The following ADGRB3 variants were observed in gnomAD, a reference collection of about 807,000 sequenced individuals.
ADGRB3 encodes the protein brain-specific angiogenesis inhibitor 3.
A neutral mutation model predicts 193.4 loss-of-function variants in ADGRB3; 37 were observed. The observed-to-expected ratio is 0.19, with a 90% CI of 0.15 to 0.25. ADGRB3 has a LOEUF of 0.25. Among genes scored for constraint, ADGRB3 ranks in the 10% least tolerant of loss-of-function variants. ADGRB3 has a pLI of 1.00. For missense variants in ADGRB3, 1,637 were observed against 1,852.9 expected (o/e 0.88, Z 2.14); for synonymous variants, 690 against 644.2 (o/e 1.07, Z -1.08).
chr6:69,230,041 A>C (rs921723436), intron 17 of ADGRB3, among the ~76,000 whole-genome samples: 2 of 152,200 alleles, frequency 1.3e-5, no homozygotes, highest in African/African-American at 4.8e-5. Context: ...AACATGGGTG[A>C]ATGTAGGTGT....
At chr6:68,722,730 G>A (rs1251719903) in intron 3 of ADGRB3, among the ~76,000 whole-genome samples, 11 of 150,776 alleles carry the variant, frequency 7.3e-5, no homozygotes, top group Non-Finnish European at 5.9e-5. Flanking sequence ...TGTGATTACA[G>A]ACTGTCCCGT....
intron 3 of ADGRB3, among the ~76,000 whole-genome samples, chr6:68,717,467 G>C (rs902880435): frequency 2.6e-5 from 4 of 151,652 alleles, no homozygotes; most frequent in Non-Finnish European, 5.9e-5. Context: ...TTATTTTATA[G>C]AAAGTCTTCC....
In ADGRB3 at chr6:69,258,792, A is replaced by G. The variant is rs1189053058; in HGVS notation, c.2814+19566A>G. Among the ~76,000 whole-genome samples the G allele has an allele frequency of 3.2e-4, 49 of 152,218 alleles. 2 individuals carry two copies. The highest frequency in any genetic ancestry group is 3.2e-3 in the Admixed American group (49 of 15,278). On this transcript the variant is annotated intron_variant, in intron 20 of 31. Transcript: ENST00000370598. ...GAAAAACCATCTGGAGAGTTTTTTA[A>G]TTCACCTTCCCCACACCCTCTCCAA...
intron 3 of ADGRB3, among the ~76,000 whole-genome samples, chr6:68,769,744 A>C (rs1390241397): frequency 6.6e-6 from 1 of 152,136 alleles, no homozygotes; most frequent in Non-Finnish European, 1.5e-5. Flanking sequence ...TTTAAGTTAA[A>C]AGTTTTAATC....
intron 3 of ADGRB3, among the ~76,000 whole-genome samples, chr6:68,803,513 A>G (rs1767349719): frequency 6.6e-6 from 1 of 152,142 alleles, no homozygotes; most frequent in African/African-American, 2.4e-5. Flanking sequence ...ACAAAGAAGT[A>G]TCACCTTACA....
intron 11 of ADGRB3, among the ~76,000 whole-genome samples, chr6:69,010,515 C>T (rs1411063862): frequency 1.3e-5 from 2 of 152,036 alleles, no homozygotes; most frequent in Non-Finnish European, 2.9e-5. Flanking sequence ...ATATCAAGCA[C>T]TTGCCATGCA....
chr6:69,284,352 A>G (rs546150209), intron 20 of ADGRB3, among the ~76,000 whole-genome samples: 3 of 152,208 alleles, frequency 2.0e-5, no homozygotes, highest in African/African-American at 7.2e-5. Context: ...CCATCAGACA[A>G]TGAAAATAAT....
At chr6:68,804,561 T>A (rs1767369281) in intron 3 of ADGRB3, among the ~76,000 whole-genome samples, 1 of 152,198 alleles carries the variant, frequency 6.6e-6, no homozygotes, top group South Asian at 2.1e-4. Flanking sequence ...AAGTAATCAC[T>A]AATTATTAAT....
chr6:69,339,481 G>T lies in ADGRB3; in HGVS notation c.3436G>T (p.Val1146Phe). ...DSLQGFVIVM[V>F]HCILRREVQD... is the part of the protein sequence containing the mutation. ...ATTGCAAGGCTTTGTTATAGTCATG[G>T]TCCACTGCATTCTTCGGAGAGAGGT... is the stretch of plus-strand genomic sequence containing the variant. The change falls in exon 26 of 32, where the codon GTC becomes TTC. Residue 1146 changes from valine (V) to phenylalanine (F), a missense_variant. Around this residue, in one of 7 missense-constraint regions of ADGRB3, gnomAD observed 116 missense variants for 168.1 expected, o/e 0.69. Transcript: ENST00000370598. 6.2e-7 allele frequency: 1 copy of T among 1,613,798 alleles called. No homozygotes were observed. Among genetic ancestry groups the T allele is most frequent in the Non-Finnish European group, 8.5e-7 (1 of 1,179,730 alleles).
chr6:68,916,603 C>T (rs970333826), intron 3 of ADGRB3, among the ~76,000 whole-genome samples: 1 of 152,090 alleles, frequency 6.6e-6, no homozygotes, highest in Non-Finnish European at 1.5e-5. Context: ...AAAATTTGGT[C>T]TTACGAAATC....
At chr6:69,325,260 G>A (rs556876432) in intron 21 of ADGRB3, among the ~76,000 whole-genome samples, 8 of 152,074 alleles carry the variant, frequency 5.3e-5, no homozygotes, top group African/African-American at 1.9e-4. Context: ...TAGATAGTAT[G>A]AAATGAGACC....
intron 3 of ADGRB3, among the ~76,000 whole-genome samples, chr6:68,894,981 A>C (rs1426945580): frequency 6.6e-6 from 1 of 151,990 alleles, no homozygotes; most frequent in Non-Finnish European, 1.5e-5. Flanking sequence ...AGTTGAAAAA[A>C]AAAGTCTGCT....
intron 3 of ADGRB3, among the ~76,000 whole-genome samples, chr6:68,844,475 C>G (rs1247102944): frequency 1.3e-5 from 2 of 152,120 alleles, no homozygotes; most frequent in African/African-American, 4.8e-5. Context: ...TGGCTTTTAT[C>G]TAAAAGACAG....
At position 68,772,893 on chromosome 6, in the gene ADGRB3, AAATATATATATATATATAT is replaced by A. The variant is rs1166125726; in HGVS notation, c.757+133463_757+133481del. ...AACAAACAAACAAACAAAAAAAAAA[AAATATATATATATATATAT>A]ATATATATATATATATATATACATA... On this transcript the variant is annotated intron_variant, in intron 3 of 31. Transcript: ENST00000370598. 1.1e-3 allele frequency among the ~76,000 whole-genome samples: 24 copies of A among 22,686 alleles called. 4 individuals carry two copies. The highest frequency in any genetic ancestry group is 0.022 in the Middle Eastern group (1 of 46). The allele number at this position is 22,686 out of a possible 152,430, so 14.9% of individuals were successfully genotyped here. A position where few individuals can be genotyped will look rare whatever the true frequency, so the allele number is the denominator to read the frequency against.
At chr6:69,173,052 T>C (rs1034537038) in intron 17 of ADGRB3, among the ~76,000 whole-genome samples, 1 of 149,850 alleles carries the variant, frequency 6.7e-6, no homozygotes, top group Non-Finnish European at 1.5e-5. Context: ...TTTGTTTTTG[T>C]TTTGAGACGA....
intron 31 of ADGRB3, among the ~76,000 whole-genome samples, chr6:69,384,771 A>T (rs1406370733): frequency 6.6e-6 from 1 of 151,940 alleles, no homozygotes; most frequent in Non-Finnish European, 1.5e-5. Flanking sequence ...GTCATCCTAA[A>T]TATCTGAGAA....
intron 17 of ADGRB3, among the ~76,000 whole-genome samples, chr6:69,204,919 A>G (rs1330629224): frequency 1.3e-5 from 2 of 152,088 alleles, no homozygotes; most frequent in Admixed American, 6.6e-5. Context: ...ACTTTATAGG[A>G]TTTTCAATTT....
chr6:69,293,678 T>A (rs1767743117), intron 20 of ADGRB3, among the ~76,000 whole-genome samples: 1 of 152,132 alleles, frequency 6.6e-6, no homozygotes, highest in Non-Finnish European at 1.5e-5. Context: ...TCCCCATTTG[T>A]AAACAGCTAC....
intron 17 of ADGRB3, among the ~76,000 whole-genome samples, chr6:69,102,098 A>G (rs894859388): frequency 4.0e-5 from 6 of 151,326 alleles, no homozygotes; most frequent in Admixed American, 6.6e-5. Flanking sequence ...GAATGGCGTG[A>G]ACCCGGGAGG....
Sources: allele counts gnomAD v4.1 joint callset (sites outside exome capture counted in the v4.1 genomes callset), GRCh38; gene constraint gnomAD v4.1.1; regional missense constraint gnomAD v4.1.1; transcripts MANE v1.5; gene names NCBI Gene and HGNC (gene_info 2026-07-23, HGNC 2026-07-21).